CAPN9: variants seen among roughly 807,000 people sequenced by gnomAD.
CAPN9 encodes the protein calpain-9.
A neutral mutation model predicts 92.8 loss-of-function variants in CAPN9; 81 were observed. The ratio of observed to expected loss-of-function variants is 0.87; its 90% CI spans 0.73 to 1.05. CAPN9 has a LOEUF of 1.05. Among genes scored for constraint, CAPN9 ranks in the 50% least tolerant of loss-of-function variants. CAPN9 has a pLI of 0.00. For synonymous variants in CAPN9, 304 were observed against 328.0 expected (o/e 0.93, Z 0.79); for missense variants, 848 against 866.2 (o/e 0.98, Z 0.26).
At chr1:230,750,382 A>G (rs566740003) in intron 1 of CAPN9, among the ~76,000 whole-genome samples, 104 of 152,236 alleles carry the variant, frequency 6.8e-4, no homozygotes, top group African/African-American at 2.3e-3. Flanking sequence ...GCAACTGAAG[A>G]TTGTCCCTTT....
chr1:230,790,271 C>T, intron 14 of CAPN9, 82 bp downstream of exon 14: 3 of 1,554,478 alleles, frequency 1.9e-6, no homozygotes, highest in South Asian at 1.2e-5. Context: ...CCCTGCTCCT[C>T]CGAGCCGCAG....
intron 2 of CAPN9, among the ~76,000 whole-genome samples, chr1:230,757,729 A>AAC (rs1279368899): frequency 9.9e-5 from 15 of 151,384 alleles, no homozygotes; most frequent in African/African-American, 3.4e-4. Context: ...CAAAAAAAAA[A>AAC]AAAAAACTAG....
intron 18 of CAPN9, among the ~76,000 whole-genome samples, chr1:230,795,696 A>G (rs114750202): frequency 0.015 from 2,210 of 151,962 alleles, 53 homozygotes; most frequent in African/African-American, 0.051. Context: ...TTACACCACA[A>G]ATAGAGAGGG....
chr1:230,780,575 A>T lies in CAPN9; in HGVS notation c.1348A>T (p.Ile450Phe). The change falls in exon 11 of 20, where the codon ATC becomes TTC. Residue 450 changes from isoleucine (I) to phenylalanine (F), a missense_variant. Physicochemically the swap from Ile to Phe is conservative, Grantham distance 21. Coordinates refer to ENST00000271971, the MANE Select transcript of CAPN9 (RefSeq NM_006615.3). ...HASRARSKTFINLREVSDRFK... is the reference protein window; with the variant it reads ...HASRARSKTFFNLREVSDRFK... ...TTCTCGGGCCAGAAGCAAGACGTTCATCAACCTGAGAGAAGTCTCCGACCG... is the reference window on the plus strand; with the variant it reads ...TTCTCGGGCCAGAAGCAAGACGTTCTTCAACCTGAGAGAAGTCTCCGACCG... 1 of 1,614,230 alleles carries T rather than the reference A, an allele frequency of 6.2e-7. No homozygotes were observed. Among genetic ancestry groups the T allele is most frequent in the Non-Finnish European group, 8.5e-7 (1 of 1,180,036 alleles).
chr1:230,760,032 G>A (rs2102848520), intron 3 of CAPN9, among the ~76,000 whole-genome samples: 1 of 152,310 alleles, frequency 6.6e-6, no homozygotes, highest in South Asian at 2.1e-4. Flanking sequence ...TGGAGATCTT[G>A]AGGGATTTTA....
chr1:230,787,391 C>A, intron 12 of CAPN9, 131 bp from the exon 13 acceptor site: 1 of 686,822 alleles, frequency 1.5e-6, no homozygotes. Context: ...CTACAGGACG[C>A]AGCTTGTGCA....
chr1:230,782,771 C>T (rs1667313936), intron 11 of CAPN9, among the ~76,000 whole-genome samples: 1 of 152,084 alleles, frequency 6.6e-6, no homozygotes, highest in Non-Finnish European at 1.5e-5. Context: ...AATCCCAGCA[C>T]TTTGGGAGGC....
chr1:230,796,228 G>A (rs1668345986), intron 18 of CAPN9, among the ~76,000 whole-genome samples: 3 of 151,766 alleles, frequency 2.0e-5, no homozygotes, highest in Admixed American at 2.0e-4. Flanking sequence ...GGGAGGCTGA[G>A]GCAGGAGAAC....
At chr1:230,792,340 C>A in intron 15 of CAPN9, 86 bp from the exon 16 acceptor site, 2 of 1,140,252 alleles carry the variant, frequency 1.8e-6, no homozygotes, top group Non-Finnish European at 2.7e-6. Flanking sequence ...CATCGGCCCT[C>A]CCCCTCTGCA....
At chr1:230,772,456 T>A (rs1385803716) in intron 7 of CAPN9, among the ~76,000 whole-genome samples, 1 of 151,052 alleles carries the variant, frequency 6.6e-6, no homozygotes, top group Non-Finnish European at 1.5e-5. Context: ...TATGCATAAG[T>A]GCGTGTGTGT....
chr1:230,793,018 GC>G, intron 17 of CAPN9, 90 bp downstream of exon 17: 2 of 981,248 alleles, frequency 2.0e-6, no homozygotes, highest in African/African-American at 1.6e-5. Flanking sequence ...TCTCTCTGCT[GC>G]CCAGGAGGTG....
At chr1:230,798,005 G>A (rs1445054905) in intron 18 of CAPN9, among the ~76,000 whole-genome samples, 157 bp from the exon 19 acceptor site, 1 of 152,138 alleles carries the variant, frequency 6.6e-6, no homozygotes. Flanking sequence ...CGCCCTTGAT[G>A]AGAGTCCCAT....
At chr1:230,768,595 T>G (rs1419466670) in intron 5 of CAPN9, among the ~76,000 whole-genome samples, 1 of 152,096 alleles carries the variant, frequency 6.6e-6, no homozygotes, top group African/African-American at 2.4e-5. Flanking sequence ...GATAGAAGTC[T>G]AATGATATTT....
intron 3 of CAPN9, among the ~76,000 whole-genome samples, chr1:230,760,328 C>T (rs973296509): frequency 6.6e-6 from 1 of 152,196 alleles, no homozygotes; most frequent in Non-Finnish European, 1.5e-5. Flanking sequence ...GAGAGACTGA[C>T]AGTTCCCTGC....
Position 230,790,184 on chromosome 1 carries a change from A to C in CAPN9, c.1652A>C (p.Gln551Pro). The change falls in exon 14 of 20, where the codon CAA (glutamine) becomes CCA (proline). Residue 551 changes from glutamine (Q) to proline (P), a missense_variant. Physicochemically the swap from Gln to Pro is moderately conservative, Grantham distance 76. Coordinates refer to ENST00000271971, the MANE Select transcript of CAPN9 (RefSeq NM_006615.3). ...GAGTATGTTTTAAATGCTGTGCTGC[A>C]AAAGAGTAAGTGCCAACCCCATCGG... ...ELEYVLNAVL[Q>P]KKKDIKFKKL... The C allele has an allele frequency of 1.2e-6, 2 of 1,614,144 alleles. No individual in the cohort carries two copies. Among genetic ancestry groups the C allele is most frequent in the Non-Finnish European group, 1.7e-6 (2 of 1,179,998 alleles).
chr1:230,759,912 T>A (rs561078285), intron 3 of CAPN9, among the ~76,000 whole-genome samples: 15 of 152,220 alleles, frequency 9.9e-5, no homozygotes, highest in South Asian at 2.1e-4. Context: ...GTTTTATTAT[T>A]TGGAATTTCT....
At chr1:230,782,214 C>A (rs1009598005) in intron 11 of CAPN9, among the ~76,000 whole-genome samples, 1 of 152,188 alleles carries the variant, frequency 6.6e-6, no homozygotes, top group African/African-American at 2.4e-5. Context: ...GAACAAGATT[C>A]TTTAATCTGC....
chr1:230,763,959 C>T (rs1665804996), intron 4 of CAPN9, among the ~76,000 whole-genome samples: 1 of 152,160 alleles, frequency 6.6e-6, no homozygotes, highest in African/African-American at 2.4e-5. Context: ...CCCCCCACAT[C>T]AGGATGCAAG....
At chr1:230,769,340 C>T in intron 6 of CAPN9, 77 bp downstream of exon 6, 1 of 1,051,218 alleles carries the variant, frequency 9.5e-7, no homozygotes, top group Non-Finnish European at 1.5e-6. Flanking sequence ...TTATTCAGTG[C>T]ATTGCAGTTT....
Sources: allele counts gnomAD v4.1 joint callset (sites outside exome capture counted in the v4.1 genomes callset), GRCh38; gene constraint gnomAD v4.1.1; transcripts MANE v1.5; gene names NCBI Gene and HGNC (gene_info 2026-07-23, HGNC 2026-07-21).